Variants in MMUT observed in about 807,000 individuals in gnomAD.
The protein encoded by MMUT is methylmalonyl-CoA mutase, also known as methylmalonyl-CoA mutase, mitochondrial.
A neutral mutation model predicts 79.9 loss-of-function variants in MMUT; 79 were observed. The ratio of observed to expected loss-of-function variants is 0.99; its 90% CI spans 0.82 to 1.19. The LOEUF is 1.19. Ranked by LOEUF, MMUT falls within the 50% of genes most tolerant of loss-of-function variation. The pLI, the probability that MMUT is intolerant of heterozygous loss-of-function variation, is 0.00. For synonymous variants in MMUT, 273 were observed against 295.7 expected (o/e 0.92, Z 0.79); for missense variants, 860 against 917.2 (o/e 0.94, Z 0.81).
Position 49,431,471 on chromosome 6 carries a change from T to C in MMUT, c.*257A>G. ...ACCATGATTTTTAAAAATAATACCA[T>C]TGTCCAGAGTTCTTGATAAAGTATT... On this transcript the variant is annotated 3_prime_UTR_variant, in exon 13 of 13. Coordinates refer to ENST00000274813, the MANE Select transcript of MMUT (RefSeq NM_000255.4). The C allele has an allele frequency of 8.1e-6, 2 of 247,620 alleles. No homozygotes were observed. Among genetic ancestry groups the C allele is most frequent in the East Asian group, 8.6e-5 (1 of 11,608 alleles). The allele number at this position is 247,620 out of a possible 1,614,324, so 15.3% of individuals were successfully genotyped here.
At position 49,431,153 on chromosome 6, in the gene MMUT, T is replaced by G. The variant is rs190188528; in HGVS notation, c.*575A>C. The G allele has an allele frequency of 9.8e-5, 15 of 152,486 alleles. No homozygotes were observed. Among genetic ancestry groups the G allele is most frequent in the African/African-American group, 3.4e-4 (14 of 41,586 alleles). The allele number at this position is 152,486 out of a possible 1,614,324, so 9.4% of individuals were successfully genotyped here. A position where few individuals can be genotyped will look rare whatever the true frequency, so the allele number is the denominator to read the frequency against. On this transcript the variant is annotated 3_prime_UTR_variant, in exon 13 of 13. Transcript: ENST00000274813. ...TAAACTCAGACTTGAAGAAATATAC[T>G]GTCAAATTCCCCATATTCCAACCTG...
At chr6:49,454,790 A>C (rs1434707926) in intron 4 of MMUT, among the ~76,000 whole-genome samples, 1 of 152,226 alleles carries the variant, frequency 6.6e-6, no homozygotes, top group Non-Finnish European at 1.5e-5. Context: ...TACTGCCTAG[A>C]ATCTCAGCAC....
chr6:49,437,756 T>C (rs1473219796), intron 11 of MMUT, among the ~76,000 whole-genome samples: 2 of 152,012 alleles, frequency 1.3e-5, no homozygotes, highest in African/African-American at 4.8e-5. Flanking sequence ...GTCTTCGTTG[T>C]TTCTCATTGT....
chr6:49,438,358 C>A (rs958456367), intron 11 of MMUT, among the ~76,000 whole-genome samples: 1 of 151,932 alleles, frequency 6.6e-6, no homozygotes, highest in African/African-American at 2.4e-5. Context: ...CAAAAATAAA[C>A]GAAAATAACC....
intron 4 of MMUT, among the ~76,000 whole-genome samples, chr6:49,454,330 CAG>C (rs1188946354): frequency 1.3e-5 from 2 of 152,126 alleles, no homozygotes; most frequent in African/African-American, 2.4e-5. Flanking sequence ...TTTTTTGAGA[CAG>C]AGTCTTGTTC....
chr6:49,452,100 C>T (rs1462940132), intron 5 of MMUT, among the ~76,000 whole-genome samples: 1 of 152,116 alleles, frequency 6.6e-6, no homozygotes, highest in East Asian at 1.9e-4. Flanking sequence ...GTGTACAAAA[C>T]AGGCACTGAA....
At chr6:49,444,852 T>C (rs1176238026) in intron 8 of MMUT, 98 bp from the exon 9 acceptor site, 4 of 844,250 alleles carry the variant, frequency 4.7e-6, no homozygotes, top group East Asian at 2.5e-5. Flanking sequence ...GGCATTTTTT[T>C]CCATAATCCT....
rs1476224416 is a variant in MMUT at position 49,430,604 on chromosome 6, T to C, written c.*1124A>G. 2.2e-5 allele frequency: 3 copies of C among 139,024 alleles called. No homozygotes were observed. The highest frequency in any genetic ancestry group is 2.1e-4 in the Admixed American group (3 of 14,404). 8.6% of individuals were successfully genotyped at this position (139,024 alleles called of 1,614,324 possible). Reference sequence around the variant, plus strand: ...AATACATTGTATTACAATGAGTTTGTAAATTCTACAGTAATGTATCTATAA... The same window carrying C: ...AATACATTGTATTACAATGAGTTTGCAAATTCTACAGTAATGTATCTATAA... On this transcript the variant is annotated 3_prime_UTR_variant, in exon 13 of 13. Coordinates refer to ENST00000274813, the MANE Select transcript of MMUT (RefSeq NM_000255.4).
chr6:49,462,475 A>C (rs1767878042), intron 1 of MMUT, among the ~76,000 whole-genome samples: 1 of 152,184 alleles, frequency 6.6e-6, no homozygotes, highest in African/African-American at 2.4e-5. Flanking sequence ...ATTGGCAGAA[A>C]ATCATCAAGT....
chr6:49,438,529 A>T (rs767382369), intron 11 of MMUT, among the ~76,000 whole-genome samples: 19 of 152,220 alleles, frequency 1.2e-4, no homozygotes, highest in Non-Finnish European at 1.9e-4. Flanking sequence ...AGGCATAATC[A>T]GTTTTAGTTC....
In MMUT at chr6:49,432,001, C is replaced by A. The variant is rs922102248; in HGVS notation, c.2125-145G>T. On this transcript the variant is annotated intron_variant, in intron 12 of 12. Coordinates refer to ENST00000274813, the MANE Select transcript of MMUT (RefSeq NM_000255.4). ...GGCATTTGGGGCTAAAAAATTCTTC[C>A]TTGATTGGGAGTGCTACTAATAGTC... 1.0e-5 allele frequency: 9 copies of A among 896,060 alleles called. No individual in the cohort carries two copies. In the African/African-American group the frequency reaches 1.5e-4, roughly 15 times the overall value. The allele number at this position is 896,060 out of a possible 1,614,324, so 55.5% of individuals were successfully genotyped here. A position where few individuals can be genotyped will look rare whatever the true frequency, so the allele number is the denominator to read the frequency against.
At chr6:49,446,603 A>G (rs180920669) in intron 8 of MMUT, among the ~76,000 whole-genome samples, 31 of 152,012 alleles carry the variant, frequency 2.0e-4, no homozygotes, top group East Asian at 1.4e-3. Flanking sequence ...AATAGTAACT[A>G]CCTGTTAAAT....
intron 12 of MMUT, 78 bp from the exon 13 acceptor site, chr6:49,431,934 T>C: frequency 2.0e-6 from 3 of 1,518,012 alleles, no homozygotes; most frequent in Non-Finnish European, 2.7e-6. Flanking sequence ...CTTTCTTCTT[T>C]GTCACTCAAT....
intron 7 of MMUT, among the ~76,000 whole-genome samples, chr6:49,448,013 C>T (rs1235189170): frequency 6.6e-6 from 1 of 151,930 alleles, no homozygotes; most frequent in Non-Finnish European, 1.5e-5. Context: ...TTCTACCAAA[C>T]TATTAATATA....
intron 10 of MMUT, among the ~76,000 whole-genome samples, chr6:49,441,391 C>G (rs1254144154): frequency 6.6e-6 from 1 of 151,774 alleles, no homozygotes; most frequent in East Asian, 1.9e-4. Context: ...AAATATGAAA[C>G]TCTACCATAG....
rs1463550464 is a variant in MMUT, at chr6:49,456,161, A to G, written c.830T>C (p.Leu277Pro). 6.2e-7 allele frequency: 1 copy of G among 1,611,866 alleles called. No homozygotes were observed. Among genetic ancestry groups the G allele is most frequent in the South Asian group, 1.1e-5 (1 of 91,040 alleles). Reference sequence around the variant, plus strand: ...CAATCCATCTGCTAAAGTATAGGCCAGCTCCAGAATGGCATCAGCCCCTGC... The same window carrying G: ...CAATCCATCTGCTAAAGTATAGGCCGGCTCCAGAATGGCATCAGCCCCTGC... ...QEAGADAILE[L>P]AYTLADGLEY... is the part of the protein sequence containing the mutation. Residue 277 changes from leucine (L) to proline (P), a missense_variant, in exon 4 of 13, where the codon CTG becomes CCG. Coordinates refer to ENST00000274813, the MANE Select transcript of MMUT (RefSeq NM_000255.4).
intron 3 of MMUT, among the ~76,000 whole-genome samples, chr6:49,457,383 G>A (rs531034701): frequency 6.6e-6 from 1 of 152,258 alleles, no homozygotes; most frequent in East Asian, 1.9e-4. Flanking sequence ...TGATACCAGT[G>A]TCTACTTCAC....
In MMUT at chr6:49,441,940, T is replaced by A. The variant is rs1183076483; in HGVS notation, c.1708A>T (p.Lys570Ter). 4 of 1,611,580 alleles carry A rather than the reference T, an allele frequency of 2.5e-6. No homozygotes were observed. The highest frequency in any genetic ancestry group is 2.2e-5 in the South Asian group (2 of 91,046). ...CTVGEITDAL[K>*]KVFGEHKAND... ...GCTTTATGTTCACCAAATACCTTTT[T>A]CAGGGCATCTGTGATTTCTCCCACT... The change falls in exon 10 of 13, where the codon AAA (lysine) becomes TAA (stop). Residue 570 changes from lysine (K) to a stop codon, truncating the protein, a stop_gained. Coordinates refer to ENST00000274813, the MANE Select transcript of MMUT (RefSeq NM_000255.4). LOFTEE classifies it high-confidence loss of function.
At chr6:49,440,388 T>C in intron 10 of MMUT, 35 bp from the exon 11 acceptor site, 1 of 1,603,296 alleles carries the variant, frequency 6.2e-7, no homozygotes, top group Non-Finnish European at 8.5e-7. Flanking sequence ...AGTAGTTAGA[T>C]ACTAATTTTC....
Sources: gnomAD v4.1 joint callset for allele counts (sites outside exome capture counted in the v4.1 genomes callset) on GRCh38, gnomAD v4.1.1 for gene constraint, MANE v1.5 for transcripts, NCBI Gene and HGNC (gene_info 2026-07-23, HGNC 2026-07-21) for gene names.